The following SLC16A12 variants were observed in gnomAD, a reference collection of about 807,000 sequenced individuals.
SLC16A12 encodes the protein monocarboxylate transporter 12.
In SLC16A12, 17 loss-of-function variants were observed where a neutral mutation model predicts 42.4. The ratio of observed to expected loss-of-function variants is 0.40; its 90% confidence interval spans 0.27 to 0.60. SLC16A12 has a LOEUF of 0.60. Among genes scored for constraint, SLC16A12 ranks in the 20% least tolerant of loss-of-function variants. SLC16A12 has a pLI of 0.42. For synonymous variants in SLC16A12, 224 were observed against 229.4 expected (o/e 0.98, Z 0.21); for missense variants, 544 against 623.0 (o/e 0.87, Z 1.35).
chr10:89,524,964 TCC>T (rs1463193226), intron 2 of SLC16A12, among the ~76,000 whole-genome samples: 1 of 152,140 alleles, frequency 6.6e-6, no homozygotes, highest in Non-Finnish European at 1.5e-5. Flanking sequence ...ATACCTGTAA[TCC>T]CAGCACTTTG....
intron 7 of SLC16A12, 148 bp downstream of exon 7, chr10:89,435,912 T>G: frequency 9.0e-7 from 1 of 1,113,082 alleles, no homozygotes; most frequent in Non-Finnish European, 1.3e-6. Flanking sequence ...GGGACCATGA[T>G]GGTTTTGGGG....
At chr10:89,540,012 T>TC (rs1361562789), upstream of SLC16A12, among the ~76,000 whole-genome samples, 1 of 150,736 alleles carries the variant, frequency 6.6e-6, no homozygotes, top group African/African-American at 2.4e-5. Flanking sequence ...CTTCCTTCCT[T>TC]CTTTCCTTCC....
rs770274570 is a variant in SLC16A12 at position 89,487,995 on chromosome 10, T to TATATATATATATATAC, written c.-46-25372_-46-25371insGTATATATATATATAT. Among the ~76,000 whole-genome samples the TATATATATATATATAC allele has an allele frequency of 3.1e-4, 38 of 122,958 alleles. No individual in the cohort carries two copies. In the East Asian group the frequency reaches 4.7e-3, roughly 15 times the overall value. The allele number at this position is 122,958 out of a possible 152,430, so 80.7% of individuals were successfully genotyped here. ...ATATATATATATATATATATATATA[T>TATATATATATATATAC]ACACACACACATTTATTATACCATA... is the stretch of plus-strand genomic sequence containing the variant. On this transcript the variant is annotated intron_variant, in intron 2 of 7. Coordinates refer to ENST00000371790, the MANE Select transcript of SLC16A12 (RefSeq NM_213606.4).
chr10:89,452,637 G>C (rs1842112731), intron 3 of SLC16A12, among the ~76,000 whole-genome samples: 1 of 152,066 alleles, frequency 6.6e-6, no homozygotes, highest in African/African-American at 2.4e-5. Flanking sequence ...TGATCCTTGT[G>C]GTAGGAAAGA....
At chr10:89,525,989 C>A (rs1843445529) in intron 2 of SLC16A12, among the ~76,000 whole-genome samples, 1 of 152,224 alleles carries the variant, frequency 6.6e-6, no homozygotes, top group South Asian at 2.1e-4. Context: ...TAGGTAACCA[C>A]CCAAGTTTAT....
At chr10:89,465,234 T>C (rs918227802) in intron 2 of SLC16A12, among the ~76,000 whole-genome samples, 5 of 152,236 alleles carry the variant, frequency 3.3e-5, no homozygotes, top group Non-Finnish European at 7.3e-5. Flanking sequence ...CTTGGTCTGA[T>C]TGCAAGGCCA....
At chr10:89,515,400 A>G (rs1312164550) in intron 2 of SLC16A12, among the ~76,000 whole-genome samples, 3 of 152,174 alleles carry the variant, frequency 2.0e-5, no homozygotes, top group Non-Finnish European at 4.4e-5. Context: ...GTATTCATTC[A>G]TTTGCTAAAA....
intron 2 of SLC16A12, among the ~76,000 whole-genome samples, chr10:89,547,452 AC>A (rs1415936537): frequency 6.6e-6 from 1 of 152,186 alleles, no homozygotes; most frequent in African/African-American, 2.4e-5. Flanking sequence ...AAATAAATCA[AC>A]CAGAATTCCT....
intron 2 of SLC16A12, among the ~76,000 whole-genome samples, chr10:89,505,645 C>T (rs113360857): frequency 2.6e-5 from 4 of 152,234 alleles, no homozygotes; most frequent in East Asian, 1.9e-4. Context: ...GGAAGCTCAA[C>T]GGGTCAGGGG....
chr10:89,503,787 A>G (rs1373853233), intron 2 of SLC16A12, among the ~76,000 whole-genome samples: 1 of 152,188 alleles, frequency 6.6e-6, no homozygotes, highest in Non-Finnish European at 1.5e-5. Flanking sequence ...CACAGAGGCC[A>G]CTGTAGCCAG....
chr10:89,516,727 A>G (rs918271767), intron 2 of SLC16A12, among the ~76,000 whole-genome samples: 1 of 152,224 alleles, frequency 6.6e-6, no homozygotes, highest in Non-Finnish European at 1.5e-5. Flanking sequence ...GTAAGCATTC[A>G]ATAGCTTCCT....
At chr10:89,482,611 T>A (rs369105862) in intron 2 of SLC16A12, among the ~76,000 whole-genome samples, 3 of 151,944 alleles carry the variant, frequency 2.0e-5, no homozygotes, top group African/African-American at 7.2e-5. Flanking sequence ...CAAGACCCTG[T>A]CTCTACAAAA....
intron 2 of SLC16A12, among the ~76,000 whole-genome samples, chr10:89,514,522 G>A (rs887219379): frequency 6.6e-6 from 1 of 152,174 alleles, no homozygotes; most frequent in Non-Finnish European, 1.5e-5. Context: ...CCCTCTGGCT[G>A]TGTGCTTGCT....
At chr10:89,482,793 A>AT (rs1376413479) in intron 2 of SLC16A12, among the ~76,000 whole-genome samples, 1 of 152,086 alleles carries the variant, frequency 6.6e-6, no homozygotes, top group Non-Finnish European at 1.5e-5. Flanking sequence ...AAAAAAAAAA[A>AT]AAAATGTCTA....
chr10:89,464,067 A>G (rs1245811302), intron 2 of SLC16A12, among the ~76,000 whole-genome samples: 1 of 152,250 alleles, frequency 6.6e-6, no homozygotes, highest in African/African-American at 2.4e-5. Flanking sequence ...CTGTCCTTGA[A>G]GAAGCAAACT....
chr10:89,487,538 C>T (rs1339004513), intron 2 of SLC16A12, among the ~76,000 whole-genome samples: 2 of 151,676 alleles, frequency 1.3e-5, no homozygotes, highest in Non-Finnish European at 2.9e-5. Context: ...TGGTGGCTCA[C>T]ACCTGTAATC....
At chr10:89,551,459 T>A (rs1457438294) in intron 2 of SLC16A12, among the ~76,000 whole-genome samples, 1 of 151,982 alleles carries the variant, frequency 6.6e-6, no homozygotes, top group Non-Finnish European at 1.5e-5. Context: ...AATAAATAAA[T>A]AAAAAGTCCC....
At chr10:89,434,351 C>T (rs1055079628) in intron 7 of SLC16A12, among the ~76,000 whole-genome samples, 7 of 152,270 alleles carry the variant, frequency 4.6e-5, no homozygotes, top group South Asian at 2.1e-4. Flanking sequence ...ATGAAGGCCA[C>T]GAACTGAATC....
intron 4 of SLC16A12, among the ~76,000 whole-genome samples, chr10:89,441,580 G>A (rs1265199372): frequency 6.6e-6 from 1 of 152,146 alleles, no homozygotes; most frequent in Non-Finnish European, 1.5e-5. Flanking sequence ...ATTTGCACAG[G>A]GATGCTTACT....
Sources: allele counts gnomAD v4.1 joint callset (sites outside exome capture counted in the v4.1 genomes callset), GRCh38; gene constraint gnomAD v4.1.1; transcripts MANE v1.5; gene names NCBI Gene and HGNC (gene_info 2026-07-23, HGNC 2026-07-21).